The following RBFOX1 variants were observed in gnomAD, a reference collection of about 807,000 sequenced individuals.
The protein encoded by RBFOX1 is RNA binding fox-1 homolog 1.
RBFOX1 carries 8 observed loss-of-function variants against 57.7 expected under a neutral mutation model. The ratio of observed to expected loss-of-function variants is 0.14; its 90% CI spans 0.08 to 0.25. The LOEUF is 0.25. RBFOX1 is among the 10% of genes least tolerant of loss of function. RBFOX1 has a pLI of 1.00. For missense variants in RBFOX1, 611 were observed against 548.5 expected, an observed-to-expected ratio of 1.11 and a Z score of -1.14; for synonymous variants, 326 against 222.4, an observed-to-expected ratio of 1.47 and a Z score of -4.15.
At chr16:6,342,796 C>G (rs950143181) in intron 2 of RBFOX1, among the ~76,000 whole-genome samples, 2 of 151,990 alleles carry the variant, frequency 1.3e-5, no homozygotes, top group African/African-American at 4.8e-5. Flanking sequence ...TGTTATATGC[C>G]ACTCACAAGC....
chr16:7,154,015 A>G (rs893141978), intron 4 of RBFOX1, among the ~76,000 whole-genome samples: 7 of 152,202 alleles, frequency 4.6e-5, no homozygotes, highest in African/African-American at 9.6e-5. Context: ...TTTATCCATC[A>G]TCATTATCAT....
chr16:7,521,482 G>A (rs896494894), intron 5 of RBFOX1, among the ~76,000 whole-genome samples: 4 of 152,178 alleles, frequency 2.6e-5, no homozygotes, highest in Non-Finnish European at 5.9e-5. Context: ...GAGCTGAGAT[G>A]CTCCACATCT....
chr16:5,905,999 A>G (rs1217036825), intron 4 of RBFOX1, among the ~76,000 whole-genome samples: 1 of 152,202 alleles, frequency 6.6e-6, no homozygotes, highest in Non-Finnish European at 1.5e-5. Context: ...GGCTGAGTCC[A>G]GGCAGGGGAG....
chr16:6,172,379 C>A (rs1281750730), intron 1 of RBFOX1, among the ~76,000 whole-genome samples: 1 of 152,186 alleles, frequency 6.6e-6, no homozygotes, highest in African/African-American at 2.4e-5. Flanking sequence ...GAAGCCCAAC[C>A]TCTGCTTCAT....
chr16:5,434,503 G>C (rs1173130993), intron 1 of RBFOX1, among the ~76,000 whole-genome samples: 1 of 151,462 alleles, frequency 6.6e-6, no homozygotes. Context: ...TGTATTTTTA[G>C]TAGAGATGAG....
In RBFOX1 at chr16:6,566,192, T is replaced by G. The variant is rs1249209261; in HGVS notation, c.-63-88411T>G. Among the ~76,000 whole-genome samples the G allele has an allele frequency of 2.6e-5, 4 of 152,240 alleles. No individual in the cohort carries two copies. In the East Asian group the frequency reaches 5.8e-4, roughly 22 times the overall value. ...AGGCAAGGAGGTACAATCACCTCCG[T>G]TGTTTTGAAGGAGAAACATAATTTT... On this transcript the variant is annotated intron_variant, in intron 2 of 15. Coordinates refer to ENST00000550418, the MANE Select transcript of RBFOX1 (RefSeq NM_018723.4).
At chr16:7,234,685 A>T (rs201088326) in intron 4 of RBFOX1, among the ~76,000 whole-genome samples, 1 of 77,690 alleles carries the variant, frequency 1.3e-5, no homozygotes, top group African/African-American at 8.5e-5. Context: ...TTTTATATAT[A>T]TATGTATATA....
chr16:7,391,335 G>T (rs1162292171), intron 4 of RBFOX1, among the ~76,000 whole-genome samples: 1 of 152,184 alleles, frequency 6.6e-6, no homozygotes, highest in Non-Finnish European at 1.5e-5. Flanking sequence ...CATGGAGGTA[G>T]AGGAAAGAAG....
chr16:6,332,556 C>A (rs975499747), intron 2 of RBFOX1, among the ~76,000 whole-genome samples: 1 of 152,214 alleles, frequency 6.6e-6, no homozygotes, highest in South Asian at 2.1e-4. Context: ...CACATTACTT[C>A]TTTCCTTCAT....
rs74004779 is a variant in RBFOX1 at position 6,120,920 on chromosome 16, A to T, written c.-127+100928A>T. Among the ~76,000 whole-genome samples, 1,393 of 152,304 alleles carry T rather than the reference A, an allele frequency of 9.1e-3. 28 individuals carry two copies. The highest frequency in any genetic ancestry group is 0.031 in the African/African-American group (1,289 of 41,574). On this transcript the variant is annotated intron_variant, in intron 1 of 15. Transcript: ENST00000550418. ...TGGTGAAGAGAAGAGAGGAGAACGA[A>T]GTCTGGGGCTGTTGTGTGAAACAGC...
chr16:6,819,422 C>G (rs1480135065), intron 3 of RBFOX1, among the ~76,000 whole-genome samples: 2 of 152,068 alleles, frequency 1.3e-5, no homozygotes, highest in East Asian at 1.9e-4. Flanking sequence ...CTTCAGAAAC[C>G]AAAAGGTAGG....
At chr16:7,404,384 G>T (rs1024503712) in intron 4 of RBFOX1, among the ~76,000 whole-genome samples, 1 of 152,116 alleles carries the variant, frequency 6.6e-6, no homozygotes, top group African/African-American at 2.4e-5. Flanking sequence ...TCACCTTGTA[G>T]GTCACTGACC....
At chr16:7,515,125 A>C (rs1382076467) in intron 4 of RBFOX1, among the ~76,000 whole-genome samples, 1 of 152,174 alleles carries the variant, frequency 6.6e-6, no homozygotes, top group Non-Finnish European at 1.5e-5. Context: ...GATGATTCCC[A>C]AGATCCCAAC....
chr16:6,927,173 G>A (rs917171449), intron 3 of RBFOX1, among the ~76,000 whole-genome samples: 1 of 151,926 alleles, frequency 6.6e-6, no homozygotes, highest in Non-Finnish European at 1.5e-5. Context: ...TGAATTGTTA[G>A]GTCTGGGTGG....
At chr16:6,821,036 CA>C (rs767827418) in intron 3 of RBFOX1, among the ~76,000 whole-genome samples, 11 of 152,156 alleles carry the variant, frequency 7.2e-5, no homozygotes, top group Non-Finnish European at 1.3e-4. Flanking sequence ...CTTAACCCTA[CA>C]AAACAGATTC....
At chr16:6,270,112 A>C (rs1243421935) in intron 1 of RBFOX1, among the ~76,000 whole-genome samples, 1 of 152,160 alleles carries the variant, frequency 6.6e-6, no homozygotes, top group African/African-American at 2.4e-5. Flanking sequence ...TAGGCAAATT[A>C]AAATTTAATT....
chr16:7,253,728 G>T (rs1005427014), intron 4 of RBFOX1, among the ~76,000 whole-genome samples: 2 of 152,086 alleles, frequency 1.3e-5, no homozygotes, highest in Non-Finnish European at 2.9e-5. Flanking sequence ...ATAGTATTCT[G>T]TGTCGATCTA....
chr16:6,597,977 G>T (rs1313178332), intron 2 of RBFOX1, among the ~76,000 whole-genome samples: 1 of 152,190 alleles, frequency 6.6e-6, no homozygotes, highest in African/African-American at 2.4e-5. Context: ...ACCGGGAGTT[G>T]CTCAGAAAGT....
intron 3 of RBFOX1, among the ~76,000 whole-genome samples, chr16:5,793,111 G>A (rs1292314812): frequency 1.3e-5 from 2 of 152,154 alleles, no homozygotes; most frequent in African/African-American, 4.8e-5. Context: ...CCAGGTGTCG[G>A]TAGGGAACCC....
Sources: gnomAD v4.1 joint callset for allele counts (sites outside exome capture counted in the v4.1 genomes callset) on GRCh38, gnomAD v4.1.1 for gene constraint, MANE v1.5 for transcripts, NCBI Gene and HGNC (gene_info 2026-07-23, HGNC 2026-07-21) for gene names.